ERBB4: variants seen among roughly 807,000 people sequenced by gnomAD.
The protein encoded by ERBB4 is erb-b2 receptor tyrosine kinase 4.
A neutral mutation model predicts 158.0 loss-of-function variants in ERBB4; 42 were observed. The ratio of observed to expected loss-of-function variants is 0.27; its 90% CI spans 0.21 to 0.34. The LOEUF is 0.34. Among genes scored for constraint, ERBB4 ranks in the 10% least tolerant of loss-of-function variants. The pLI, the probability that ERBB4 is intolerant of heterozygous loss-of-function variation, is 1.00. For missense variants in ERBB4, 1,333 were observed against 1,624.1 expected (o/e 0.82, Z 3.08); for synonymous variants, 583 against 558.7 (o/e 1.04, Z -0.61).
chr2:211,948,289 A>G (rs1242923840), intron 2 of ERBB4, among the ~76,000 whole-genome samples: 1 of 151,858 alleles, frequency 6.6e-6, no homozygotes, highest in Non-Finnish European at 1.5e-5. Context: ...ACAAAAAATT[A>G]GCTGGGTGTG....
At chr2:212,002,606 C>A (rs59697801) in intron 2 of ERBB4, among the ~76,000 whole-genome samples, 19,478 of 151,990 alleles carry the variant, frequency 0.13, 1,816 homozygotes, top group East Asian at 0.33. Context: ...AGGCAACAAA[C>A]AAACAGTACT....
chr2:211,433,374 G>A (rs891380569), intron 20 of ERBB4, among the ~76,000 whole-genome samples: 1 of 151,976 alleles, frequency 6.6e-6, no homozygotes, highest in Non-Finnish European at 1.5e-5. Flanking sequence ...GAGGTCAGGA[G>A]ATCGAGACCA....
At chr2:211,580,798 A>AT (rs1254015565) in intron 19 of ERBB4, among the ~76,000 whole-genome samples, 1 of 63,616 alleles carries the variant, frequency 1.6e-5, no homozygotes, top group African/African-American at 1.4e-4. Flanking sequence ...ATATATATAT[A>AT]TATATATATA....
chr2:211,874,198 A>AT (rs1471704178), intron 3 of ERBB4, among the ~76,000 whole-genome samples: 1 of 152,014 alleles, frequency 6.6e-6, no homozygotes, highest in African/African-American at 2.4e-5. Flanking sequence ...TTTTTTTCTC[A>AT]TTTTGCTAGT....
intron 3 of ERBB4, among the ~76,000 whole-genome samples, chr2:211,873,346 C>CA (rs1324518190): frequency 2.7e-5 from 4 of 150,772 alleles, no homozygotes; most frequent in African/African-American, 4.9e-5. Flanking sequence ...TCACCTCTTG[C>CA]AATCTCAGAG....
chr2:211,632,342 A>T (rs2070174359), intron 16 of ERBB4, among the ~76,000 whole-genome samples: 1 of 152,088 alleles, frequency 6.6e-6, no homozygotes, highest in African/African-American at 2.4e-5. Context: ...CCAAAGGTAT[A>T]ATTTTTAGCT....
At chr2:211,731,489 A>G (rs1325935824) in intron 5 of ERBB4, among the ~76,000 whole-genome samples, 1 of 152,164 alleles carries the variant, frequency 6.6e-6, no homozygotes, top group Non-Finnish European at 1.5e-5. Flanking sequence ...TGTGAGGAAG[A>G]ATTACTGACT....
chr2:212,132,978 C>T (rs1345238939), intron 1 of ERBB4, among the ~76,000 whole-genome samples: 3 of 152,096 alleles, frequency 2.0e-5, no homozygotes, highest in Non-Finnish European at 4.4e-5. Flanking sequence ...GGTCATACTT[C>T]CACCTAACAT....
intron 3 of ERBB4, 88 bp from the exon 4 acceptor site, chr2:211,788,247 T>A: frequency 1.0e-6 from 1 of 964,878 alleles, no homozygotes; most frequent in Non-Finnish European, 1.6e-6. Context: ...TCTTAACTAT[T>A]TTCAATGTTA....
chr2:211,599,533 G>GTGTGTGTA (rs1470612416), intron 19 of ERBB4, among the ~76,000 whole-genome samples: 1 of 150,752 alleles, frequency 6.6e-6, no homozygotes, highest in African/African-American at 2.4e-5. Context: ...GTGTGTGTGT[G>GTGTGTGTA]TGTTTCCTGT....
chr2:211,857,009 T>C (rs1175776580), intron 3 of ERBB4, among the ~76,000 whole-genome samples: 2 of 152,158 alleles, frequency 1.3e-5, no homozygotes, highest in African/African-American at 4.8e-5. Flanking sequence ...TGTAATATAA[T>C]TGTATGTTAT....
At chr2:211,599,513 C>CTGTGTGTGTGTGTGTGTGTGTGTGTG (rs6147153) in intron 19 of ERBB4, among the ~76,000 whole-genome samples, 14,387 of 140,652 alleles carry the variant, frequency 0.1, 971 homozygotes, top group East Asian at 0.15. Context: ...ATAATTTCTT[C>CTGTGTGTGTGTGTGTGTGTGTGTGTG]TGTGTGTGTG....
intron 3 of ERBB4, among the ~76,000 whole-genome samples, chr2:211,856,742 T>C (rs1471145427): frequency 6.6e-6 from 1 of 152,142 alleles, no homozygotes; most frequent in East Asian, 1.9e-4. Flanking sequence ...CTGGAGACAG[T>C]AAGGCTATAT....
At chr2:212,223,350 A>AT (rs60528838) in intron 1 of ERBB4, among the ~76,000 whole-genome samples, 8 of 146,498 alleles carry the variant, frequency 5.5e-5, no homozygotes, top group East Asian at 4.0e-4. Flanking sequence ...ATATATATAT[A>AT]AAATTGTCTT....
chr2:211,534,074 T>G lies in ERBB4; in HGVS notation c.2487+27829A>C, dbSNP rs182022866. Among the ~76,000 whole-genome samples the G allele has an allele frequency of 3.1e-3, 476 of 152,248 alleles. 1 individual carries two copies. The highest frequency in any genetic ancestry group is 0.011 in the African/African-American group (458 of 41,578). ...TGGGATTATTTGGTGTGATTTTTTC[T>G]TATCTGCCCTTAGCAAATAATCCTT... On this transcript the variant is annotated intron_variant, in intron 20 of 27. Transcript: ENST00000342788.
chr2:212,305,490 A>AT (rs772680952), intron 1 of ERBB4, among the ~76,000 whole-genome samples: 1 of 151,258 alleles, frequency 6.6e-6, no homozygotes, highest in Non-Finnish European at 1.5e-5. Context: ...TACCTATATG[A>AT]TGGTTGTATA....
intron 1 of ERBB4, among the ~76,000 whole-genome samples, chr2:212,374,406 C>T (rs1048283740): frequency 2.6e-5 from 4 of 151,578 alleles, no homozygotes; most frequent in African/African-American, 9.7e-5. Context: ...ACAACAAAAC[C>T]TCCAAAAATC....
intron 1 of ERBB4, among the ~76,000 whole-genome samples, chr2:212,339,796 T>C (rs1036436589): frequency 2.6e-5 from 4 of 152,166 alleles, no homozygotes; most frequent in Non-Finnish European, 5.9e-5. Context: ...TATGCTTTTT[T>C]AAAATTTTGA....
intron 1 of ERBB4, among the ~76,000 whole-genome samples, chr2:212,538,038 A>G (rs1693200759): frequency 6.6e-6 from 1 of 152,092 alleles, no homozygotes; most frequent in Non-Finnish European, 1.5e-5. Flanking sequence ...AGGCCCAGCC[A>G]GCACCGCCCC....
Sources: gnomAD v4.1 joint callset for allele counts (sites outside exome capture counted in the v4.1 genomes callset) on GRCh38, gnomAD v4.1.1 for gene constraint, MANE v1.5 for transcripts, NCBI Gene and HGNC (gene_info 2026-07-23, HGNC 2026-07-21) for gene names.